The following STON2 variants were observed in gnomAD, a reference collection of about 807,000 sequenced individuals.
STON2 encodes the protein stonin-2.
In STON2, 29 loss-of-function variants were observed where a neutral mutation model predicts 65.7. The ratio of observed to expected loss-of-function variants is 0.44; its 90% CI spans 0.33 to 0.60. The LOEUF (loss-of-function observed/expected upper bound fraction) is 0.60, where lower values mean the gene tolerates loss of function less well. Ranked by LOEUF, STON2 falls within the 20% of genes least tolerant of loss-of-function variation. STON2 has a pLI of 0.03. For synonymous variants in STON2, 404 were observed against 414.2 expected (o/e 0.98, Z 0.30); for missense variants, 1,054 against 1,118.1 (o/e 0.94, Z 0.82).
intron 5 of STON2, among the ~76,000 whole-genome samples, chr14:81,301,145 T>TA (rs1895953741): frequency 6.6e-6 from 1 of 152,190 alleles, no homozygotes; most frequent in African/African-American, 2.4e-5. Context: ...AAGATATTTT[T>TA]ATCCTTCAGC....
chr14:81,291,303 C>A (rs368985795), intron 5 of STON2, among the ~76,000 whole-genome samples: 8 of 152,082 alleles, frequency 5.3e-5, no homozygotes, highest in African/African-American at 1.2e-4. Context: ...TATACATTCA[C>A]AAAGCCAGTA....
At chr14:81,288,782 T>C (rs1895439706) in intron 5 of STON2, among the ~76,000 whole-genome samples, 1 of 150,122 alleles carries the variant, frequency 6.7e-6, no homozygotes, top group Non-Finnish European at 1.5e-5. Context: ...TATCTACAGG[T>C]ACCATAAGGG....
At chr14:81,285,919 G>A (rs1012744341) in intron 5 of STON2, among the ~76,000 whole-genome samples, 15 of 152,274 alleles carry the variant, frequency 9.9e-5, no homozygotes, top group South Asian at 2.1e-4. Flanking sequence ...AGGCCAAGGC[G>A]GGTGGATCAC....
chr14:81,328,998 T>A (rs1897103730), intron 4 of STON2, among the ~76,000 whole-genome samples: 1 of 152,198 alleles, frequency 6.6e-6, no homozygotes, highest in Admixed American at 6.5e-5. Context: ...GTCTCAGGTA[T>A]CCCTCTATAG....
At chr14:81,403,190 C>T (rs1363206984), upstream of STON2, among the ~76,000 whole-genome samples, 2 of 152,138 alleles carry the variant, frequency 1.3e-5, no homozygotes, top group East Asian at 1.9e-4. Flanking sequence ...TATATTAATA[C>T]ATTATTAAAT....
intron 4 of STON2, among the ~76,000 whole-genome samples, chr14:81,367,864 T>C (rs1392853335): frequency 1.3e-5 from 2 of 152,166 alleles, no homozygotes; most frequent in Non-Finnish European, 1.5e-5. Flanking sequence ...ATGGAAGCAT[T>C]CCCTAGCACC....
chr14:81,387,048 C>T (rs1899842882), intron 3 of STON2, among the ~76,000 whole-genome samples: 1 of 152,106 alleles, frequency 6.6e-6, no homozygotes. Flanking sequence ...GTCAGGAACA[C>T]TATTGGCTAA....
chr14:81,320,119 G>T (rs148399232), intron 5 of STON2, among the ~76,000 whole-genome samples: 81 of 152,202 alleles, frequency 5.3e-4, no homozygotes, highest in Non-Finnish European at 9.0e-4. Context: ...CCAGTGTAAG[G>T]TCACTGTCAC....
chr14:81,370,429 C>T (rs1231216530), intron 4 of STON2, among the ~76,000 whole-genome samples: 3 of 152,234 alleles, frequency 2.0e-5, no homozygotes, highest in Admixed American at 2.0e-4. Context: ...CTTACACCTA[C>T]TGGAAAGTTT....
At position 81,264,390 on chromosome 14, in the gene STON2, C is replaced by G; in HGVS notation, c.*4024G>C. The G allele has an allele frequency of 1.0e-6, 1 of 985,454 alleles. No homozygotes were observed. The highest frequency in any genetic ancestry group is 4.7e-5 in the South Asian group (1 of 21,286). 61.0% of individuals were successfully genotyped at this position (985,454 alleles called of 1,614,324 possible). On this transcript the variant is annotated 3_prime_UTR_variant, in exon 8 of 8. Coordinates refer to ENST00000614646, the MANE Select transcript of STON2 (RefSeq NM_001394390.1). ...AGTAAGGGTTAAGTAGCCTTCGAGTCTCAGGGTCAGTATTCTTTCAGCAAA... is the reference window on the plus strand; with the variant it reads ...AGTAAGGGTTAAGTAGCCTTCGAGTGTCAGGGTCAGTATTCTTTCAGCAAA...
At position 81,261,835 on chromosome 14, in the gene STON2, A is replaced by G. The variant is rs1197472063; in HGVS notation, c.*6579T>C. ...AGTGGAACTTCCAAAGAAGCATTCCACCTGATCTTCACCACCCTCTTTGAT... is the reference window on the plus strand; with the variant it reads ...AGTGGAACTTCCAAAGAAGCATTCCGCCTGATCTTCACCACCCTCTTTGAT... On this transcript the variant is annotated 3_prime_UTR_variant, in exon 8 of 8. Coordinates refer to ENST00000614646, the MANE Select transcript of STON2 (RefSeq NM_001394390.1). The G allele has an allele frequency of 2.0e-6, 3 of 1,533,314 alleles. No homozygotes were observed. The African/African-American group carries it at 4.1e-5, about 21-fold the overall frequency. The allele number at this position is 1,533,314 out of a possible 1,614,324, so 95.0% of individuals were successfully genotyped here.
chr14:81,287,727 G>GTTCTAAACTTCTGCCTCTGTT (rs1420153613), intron 5 of STON2, among the ~76,000 whole-genome samples: 2 of 152,080 alleles, frequency 1.3e-5, no homozygotes. Flanking sequence ...TTTCTCTCTG[G>GTTCTAAACTTCTGCCTCTGTT]TTCTAAACTT....
rs148520450 is a variant in STON2, at chr14:81,308,014, A to C, written c.742+16003T>G. Among the ~76,000 whole-genome samples the C allele has an allele frequency of 3.0e-3, 459 of 152,296 alleles. 3 individuals carry two copies. Among genetic ancestry groups the C allele is most frequent in the African/African-American group, 0.01 (434 of 41,562 alleles). On this transcript the variant is annotated intron_variant, in intron 5 of 7. Coordinates refer to ENST00000614646, the MANE Select transcript of STON2 (RefSeq NM_001394390.1). Reference sequence around the variant, plus strand: ...ACTGTATCTGATGGGCATGGTTGATAATCAGATAATATATCTGAAGCTGTT... The same window carrying C: ...ACTGTATCTGATGGGCATGGTTGATCATCAGATAATATATCTGAAGCTGTT...
In STON2 at chr14:81,268,192, A is replaced by G; in HGVS notation, c.*222T>C. On this transcript the variant is annotated 3_prime_UTR_variant, in exon 8 of 8. Transcript: ENST00000614646. ...GTCAGGTGAACCTCGTGCTTTAGGC[A>G]TGACCAGAATCAAAGAGCCTCTCCA... 4 of 1,141,334 alleles carry G rather than the reference A, an allele frequency of 3.5e-6. No individual in the cohort carries two copies. The highest frequency in any genetic ancestry group is 4.4e-6 in the Non-Finnish European group (4 of 919,512). The allele number at this position is 1,141,334 out of a possible 1,614,324, so 70.7% of individuals were successfully genotyped here. A position where few individuals can be genotyped will look rare whatever the true frequency, so the allele number is the denominator to read the frequency against.
chr14:81,326,098 A>G (rs1408875190), intron 4 of STON2, among the ~76,000 whole-genome samples: 1 of 152,216 alleles, frequency 6.6e-6, no homozygotes, highest in Non-Finnish European at 1.5e-5. Context: ...GTATGCACCC[A>G]GCACACAAGA....
At chr14:81,355,194 G>A (rs147147655) in intron 4 of STON2, among the ~76,000 whole-genome samples, 1 of 152,202 alleles carries the variant, frequency 6.6e-6, no homozygotes, top group East Asian at 1.9e-4. Flanking sequence ...TCAAGAAGGA[G>A]AAGAAAGAGA....
chr14:81,403,839 C>A (rs1288285391), upstream of STON2, among the ~76,000 whole-genome samples: 2 of 152,142 alleles, frequency 1.3e-5, no homozygotes, highest in Non-Finnish European at 2.9e-5. Flanking sequence ...TCCTCAACTT[C>A]CAATAAGTAA....
intron 3 of STON2, among the ~76,000 whole-genome samples, chr14:81,391,185 A>G (rs894619390): frequency 2.0e-5 from 3 of 152,230 alleles, no homozygotes. Flanking sequence ...TGTCTTTGGG[A>G]GCCATTACTC....
intron 1 of STON2, among the ~76,000 whole-genome samples, chr14:81,431,588 G>A (rs1292395360): frequency 6.6e-6 from 1 of 152,088 alleles, no homozygotes; most frequent in African/African-American, 2.4e-5. Context: ...AGACCACCCT[G>A]ACCAACATGG....
Sources: gnomAD v4.1 joint callset for allele counts (sites outside exome capture counted in the v4.1 genomes callset) on GRCh38, gnomAD v4.1.1 for gene constraint, MANE v1.5 for transcripts, NCBI Gene and HGNC (gene_info 2026-07-23, HGNC 2026-07-21) for gene names.